Variants in CHCHD2 observed in about 807,000 individuals in gnomAD.
The protein encoded by CHCHD2 is coiled-coil-helix-coiled-coil-helix domain-containing protein 2.
Under a neutral mutation model 17.5 loss-of-function variants are expected in CHCHD2, and 17 were observed. That is an observed-to-expected ratio of 0.97 (90% CI 0.67 to 1.46). CHCHD2 has a LOEUF of 1.46. CHCHD2 is among the 40% of genes most tolerant of loss of function. The probability of loss-of-function intolerance (pLI) is 0.00; values close to 1 mark genes in which losing one functional copy is unlikely to be tolerated. For synonymous variants in CHCHD2, 63 were observed against 74.3 expected, an observed-to-expected ratio of 0.85 and a Z score of 0.78; for missense variants, 175 against 199.9, an observed-to-expected ratio of 0.88 and a Z score of 0.75.
chr7:56,105,219 CT>C (rs1357037679), intron 1 of CHCHD2, among the ~76,000 whole-genome samples: 1 of 151,882 alleles, frequency 6.6e-6, no homozygotes, highest in African/African-American at 2.4e-5. Context: ...CCACTTTAAT[CT>C]TTTCTTATAA....
rs755124829 is a variant in CHCHD2, at chr7:56,102,952, CTGTT to C, written c.356_359del (p.Lys119SerfsTer22). ...CCTGGTTCTGGGCACACTCCAGAAA[CTGTT>C]TGATCTCATAGAGGCAAGGCTGCTG... On this transcript the variant is annotated frameshift_variant, in exon 3 of 4. Coordinates refer to ENST00000395422, the MANE Select transcript of CHCHD2 (RefSeq NM_016139.4). LOFTEE classifies it high-confidence loss of function. The C allele has an allele frequency of 2.0e-5, 33 of 1,614,036 alleles. No homozygotes were observed. Among genetic ancestry groups the C allele is most frequent in the Middle Eastern group, 1.6e-4 (1 of 6,084 alleles).
intron 3 of CHCHD2, among the ~76,000 whole-genome samples, 168 bp from the exon 4 acceptor site, chr7:56,102,029 C>G (rs975812096): frequency 1.5e-4 from 23 of 151,994 alleles, no homozygotes; most frequent in African/African-American, 5.6e-4. Flanking sequence ...GTTGCCCAGG[C>G]TGGTCTCGAA....
At chr7:56,104,503 G>A (rs1272634926) in intron 1 of CHCHD2, 28 bp from the exon 2 acceptor site, 3 of 1,517,968 alleles carry the variant, frequency 2.0e-6, no homozygotes, top group African/African-American at 1.4e-5. Context: ...AAAACATCAA[G>A]TTCCCAATTC....
chr7:56,104,968 T>A (rs531947191), intron 1 of CHCHD2, among the ~76,000 whole-genome samples: 2 of 149,498 alleles, frequency 1.3e-5, no homozygotes, highest in Non-Finnish European at 3.0e-5. Flanking sequence ...TGGAGTGCAG[T>A]GTCACGATCC....
At chr7:56,101,965 G>A in intron 3 of CHCHD2, 104 bp from the exon 4 acceptor site, 1 of 1,170,814 alleles carries the variant, frequency 8.5e-7, no homozygotes, top group Non-Finnish European at 1.2e-6. Context: ...CAAGGCTATG[G>A]GTTTTTTGTT....
At chr7:56,101,935 T>A in intron 3 of CHCHD2, 74 bp from the exon 4 acceptor site, 1 of 1,453,786 alleles carries the variant, frequency 6.9e-7, no homozygotes, top group Non-Finnish European at 9.5e-7. Flanking sequence ...TTCCAAATTA[T>A]GAAAGCAGCG....
chr7:56,104,912 A>ATT (rs752149986), intron 1 of CHCHD2, among the ~76,000 whole-genome samples: 2 of 115,962 alleles, frequency 1.7e-5, no homozygotes, highest in Non-Finnish European at 1.8e-5. Flanking sequence ...GCACGGCCTA[A>ATT]TTTTTTTTTT....
At chr7:56,106,205 C>T (rs1785380408) in intron 1 of CHCHD2, among the ~76,000 whole-genome samples, 159 bp downstream of exon 1, 1 of 152,174 alleles carries the variant, frequency 6.6e-6, no homozygotes, top group African/African-American at 2.4e-5. Flanking sequence ...CCACACTCCC[C>T]TAACATAGGC....
At chr7:56,103,405 G>A (rs568982122) in intron 2 of CHCHD2, among the ~76,000 whole-genome samples, 2 of 152,110 alleles carry the variant, frequency 1.3e-5, no homozygotes, top group African/African-American at 4.8e-5. Context: ...GCTTGAACCC[G>A]GGCGGTGGAG....
chr7:56,102,727 G>A lies in CHCHD2; in HGVS notation c.445+140C>T, dbSNP rs187128869. 418 of 858,322 alleles carry A rather than the reference G, an allele frequency of 4.9e-4. 3 individuals carry two copies. In the East Asian group the frequency reaches 9.7e-3, roughly 20 times the overall value. The allele number at this position is 858,322 out of a possible 1,614,324, so 53.2% of individuals were successfully genotyped here. ...CTCATAAAAATGACTAGAAACCTCCGGCCCAGTTGTTAGGAGTTAATTCTA... is the reference window on the plus strand; with the variant it reads ...CTCATAAAAATGACTAGAAACCTCCAGCCCAGTTGTTAGGAGTTAATTCTA... On this transcript the variant is annotated intron_variant, in intron 3 of 3. Transcript: ENST00000395422.
intron 1 of CHCHD2, 52 bp from the exon 2 acceptor site, chr7:56,104,527 A>G (rs1206612596): frequency 6.8e-7 from 1 of 1,467,860 alleles, no homozygotes; most frequent in Non-Finnish European, 9.1e-7. Flanking sequence ...CCAGTTTTGG[A>G]AATTGTCAAC....
At chr7:56,102,756 A>G in intron 3 of CHCHD2, 111 bp downstream of exon 3, 1 of 1,171,178 alleles carries the variant, frequency 8.5e-7, no homozygotes, top group Non-Finnish European at 1.2e-6. Flanking sequence ...AATTCTAGAG[A>G]AATTTCAACA....
At position 56,106,399 on chromosome 7, in the gene CHCHD2, G is replaced by C; in HGVS notation, c.15C>G (p.Ser5Arg). The change falls in exon 1 of 4, where the codon AGC (serine) becomes AGG (arginine). Residue 5 changes from serine to arginine, a missense_variant. Transcript: ENST00000395422. ...GGGCCATGCGGGAGGTGCGGCTTCG[G>C]CTTCCACGCGGCATCCTAGGTAAGC... MPRG[S>R]RSRTSRMAPP... The C allele has an allele frequency of 6.2e-7, 1 of 1,613,606 alleles. No homozygotes were observed. Among genetic ancestry groups the C allele is most frequent in the Non-Finnish European group, 8.5e-7 (1 of 1,179,760 alleles).
chr7:56,104,190 C>T (rs1461649168), intron 2 of CHCHD2, 36 bp downstream of exon 2: 1 of 1,603,754 alleles, frequency 6.2e-7, no homozygotes. Context: ...CTCATAAAAT[C>T]CACCCATGGA....
At chr7:56,103,487 T>C (rs920932197) in intron 2 of CHCHD2, among the ~76,000 whole-genome samples, 1 of 152,094 alleles carries the variant, frequency 6.6e-6, no homozygotes, top group Non-Finnish European at 1.5e-5. Flanking sequence ...AAAGACAGGG[T>C]TGCGCTATGT....
intron 1 of CHCHD2, among the ~76,000 whole-genome samples, chr7:56,105,567 G>A (rs1785368285): frequency 6.6e-6 from 1 of 152,164 alleles, no homozygotes; most frequent in Admixed American, 6.5e-5. Context: ...TTTGAGGCCA[G>A]GACTTTGAGA....
chr7:56,104,345 T>C lies in CHCHD2; in HGVS notation c.181A>G (p.Thr61Ala). Residue 61 changes from threonine (T) to alanine (A), a missense_variant, in exon 2 of 4, where the codon ACC becomes GCC. Physicochemically the swap from Thr to Ala is moderately conservative, Grantham distance 58. Transcript: ENST00000395422. ...CCCACAGCCACGCCAGCTGCAGTGG[T>C]TGCCATCTGGGCCATCAGACCTGGC... ...RQPGLMAQMA[T>A]TAAGVAVGSA... 1 of 1,613,304 alleles carries C rather than the reference T, an allele frequency of 6.2e-7. No homozygotes were observed. The highest frequency in any genetic ancestry group is 8.5e-7 in the Non-Finnish European group (1 of 1,179,518).
At chr7:56,102,606 G>A in intron 3 of CHCHD2, 1 of 363,006 alleles carries the variant, frequency 2.8e-6, no homozygotes, top group African/African-American at 2.1e-5. Context: ...GACATCAGGT[G>A]ATCCACCCGT....
At chr7:56,102,772 T>C (rs1785310338) in intron 3 of CHCHD2, 95 bp downstream of exon 3, 4 of 1,334,068 alleles carry the variant, frequency 3.0e-6, no homozygotes, top group Non-Finnish European at 3.2e-6. Flanking sequence ...CAACAAAGTC[T>C]TCTCTAATTT....
Sources: gnomAD v4.1 joint callset for allele counts (sites outside exome capture counted in the v4.1 genomes callset) on GRCh38, gnomAD v4.1.1 for gene constraint, MANE v1.5 for transcripts, NCBI Gene and HGNC (gene_info 2026-07-23, HGNC 2026-07-21) for gene names.